Variants in OSBP observed in about 807,000 individuals in gnomAD.
OSBP encodes the protein oxysterol-binding protein 1.
In OSBP, 32 loss-of-function variants were observed where a neutral mutation model predicts 96.6. The ratio of observed to expected loss-of-function variants is 0.33; its 90% CI spans 0.25 to 0.45. The LOEUF (loss-of-function observed/expected upper bound fraction) is 0.45, where lower values mean the gene tolerates loss of function less well. Ranked by LOEUF, OSBP falls within the 20% of genes least tolerant of loss-of-function variation. OSBP has a pLI of 1.00. For missense variants in OSBP, 653 were observed against 1,029.7 expected, an observed-to-expected ratio of 0.63 and a Z score of 5.01; for synonymous variants, 369 against 389.6, an observed-to-expected ratio of 0.95 and a Z score of 0.62.
chr11:59,614,315 C>T (rs1036259481), intron 1 of OSBP, among the ~76,000 whole-genome samples: 9 of 152,100 alleles, frequency 5.9e-5, no homozygotes, highest in African/African-American at 2.2e-4. Context: ...GGAATATTTC[C>T]CAACTCCTAG....
At chr11:59,582,513 T>G (rs1404012569) in intron 9 of OSBP, among the ~76,000 whole-genome samples, 1 of 152,172 alleles carries the variant, frequency 6.6e-6, no homozygotes, top group African/African-American at 2.4e-5. Flanking sequence ...ACGGGTCCCT[T>G]CATTTGGCTG....
intron 8 of OSBP, 94 bp downstream of exon 8, chr11:59,593,916 T>C: frequency 1.3e-6 from 2 of 1,496,660 alleles, no homozygotes; most frequent in East Asian, 2.3e-5. Flanking sequence ...TGACAGGGAC[T>C]AGAATTTCTG....
chr11:59,601,899 T>C, intron 3 of OSBP, 61 bp from the exon 4 acceptor site: 7 of 1,476,298 alleles, frequency 4.7e-6, no homozygotes, highest in Non-Finnish European at 6.6e-6. Flanking sequence ...CTCAGGCTTC[T>C]GCAAGCCCAT....
At chr11:59,588,224 G>A (rs1860526104) in intron 9 of OSBP, among the ~76,000 whole-genome samples, 2 of 152,140 alleles carry the variant, frequency 1.3e-5, no homozygotes, top group African/African-American at 4.8e-5. Context: ...TCCAGGGTTT[G>A]GGGAGGGAGA....
chr11:59,615,207 C>G, intron 1 of OSBP, 96 bp downstream of exon 1: 1 of 1,071,004 alleles, frequency 9.3e-7, no homozygotes, highest in Admixed American at 2.1e-5. Flanking sequence ...CTGGGGCAAC[C>G]CTGGCTGCGG....
At chr11:59,612,451 G>A (rs1353788202) in intron 1 of OSBP, among the ~76,000 whole-genome samples, 3 of 152,076 alleles carry the variant, frequency 2.0e-5, no homozygotes, top group Non-Finnish European at 4.4e-5. Flanking sequence ...GGAGCTTTTT[G>A]GAAACCACTT....
intron 1 of OSBP, among the ~76,000 whole-genome samples, chr11:59,613,525 T>C (rs1860880717): frequency 6.6e-6 from 1 of 151,986 alleles, no homozygotes; most frequent in African/African-American, 2.4e-5. Flanking sequence ...TTTTTGAAAA[T>C]GCAAAAACAG....
chr11:59,581,978 T>G (rs1860427424), intron 9 of OSBP, among the ~76,000 whole-genome samples: 3 of 152,228 alleles, frequency 2.0e-5, no homozygotes, highest in Admixed American at 2.0e-4. Flanking sequence ...AACAAACCAC[T>G]TATCTAAGGC....
chr11:59,578,938 A>G (rs1860389279), intron 11 of OSBP, among the ~76,000 whole-genome samples: 1 of 152,034 alleles, frequency 6.6e-6, no homozygotes, highest in African/African-American at 2.4e-5. Context: ...ATTCAATTAT[A>G]CTCTTTTAGT....
At position 59,608,608 on chromosome 11, in the gene OSBP, G is replaced by A; in HGVS notation, c.698C>T (p.Thr233Ile). 6.2e-7 allele frequency: 1 copy of A among 1,614,162 alleles called. No individual in the cohort carries two copies. Among genetic ancestry groups the A allele is most frequent in the Non-Finnish European group, 8.5e-7 (1 of 1,180,012 alleles). ...CTCACTGAGAGAACGCTGCAGAGCT[G>A]TGCCATGCTTAGCTATCAAGTCATT... is the stretch of plus-strand genomic sequence containing the variant. Reference protein sequence around the residue: ...TCNDLIAKHGTALQRSLSELE... With the variant: ...TCNDLIAKHGIALQRSLSELE... Residue 233 changes from threonine to isoleucine, a missense_variant, in exon 3 of 14, where the codon ACA (threonine) becomes ATA (isoleucine). Coordinates refer to ENST00000263847, the MANE Select transcript of OSBP (RefSeq NM_002556.3).
intron 1 of OSBP, 58 bp downstream of exon 1, chr11:59,615,245 G>A (rs1354959333): frequency 2.8e-6 from 4 of 1,422,666 alleles, no homozygotes; most frequent in Admixed American, 1.8e-5. Context: ...GCCGGAGCTG[G>A]GACTGTTGGC....
Position 59,610,505 on chromosome 11 carries a change from GA to G in OSBP, c.446del (p.Phe149SerfsTer13). The part of the protein sequence containing the change: ...ANITVEDSCN[F>X]IISNGGAQTY... ...TCTGAGCACCCCCATTGGAAATGAT[GA>G]AGTTGCAGGAGTCCTCCACGGTGAT... is the stretch of plus-strand genomic sequence containing the variant. On this transcript the variant is annotated frameshift_variant, in exon 2 of 14. Coordinates refer to ENST00000263847, the MANE Select transcript of OSBP (RefSeq NM_002556.3). LOFTEE classifies it high-confidence loss of function. The G allele has an allele frequency of 6.2e-7, 1 of 1,614,216 alleles. No homozygotes were observed. The highest frequency in any genetic ancestry group is 8.5e-7 in the Non-Finnish European group (1 of 1,180,030).
At chr11:59,592,919 C>T (rs1264509144) in intron 9 of OSBP, among the ~76,000 whole-genome samples, 1 of 151,980 alleles carries the variant, frequency 6.6e-6, no homozygotes, top group Non-Finnish European at 1.5e-5. Flanking sequence ...CCTCAGCCTC[C>T]CGAGTAGCTG....
rs545523300 is a variant in OSBP, at chr11:59,593,807, T to G, written c.1558-83A>C. The G allele has an allele frequency of 2.7e-4, 420 of 1,574,014 alleles. 2 individuals are homozygous for G. In the African/African-American group the frequency reaches 5.2e-3, roughly 20 times the overall value. ...TATAAATTGGTGAGAAACACCAAAA[T>G]TCACACTTGACGTTTTTACACCCAC... On this transcript the variant is annotated intron_variant, in intron 8 of 13. Coordinates refer to ENST00000263847, the MANE Select transcript of OSBP (RefSeq NM_002556.3).
chr11:59,601,547 CATTGACTGTGAAGAGTTTGGAGTTCTCCT>C (rs2134670013), intron 4 of OSBP, 64 bp downstream of exon 4: 1 of 1,221,394 alleles, frequency 8.2e-7, no homozygotes, highest in Non-Finnish European at 1.2e-6. Flanking sequence ...TCACATGACT[CATTGACTGTGAAGAGTTTGGAGTTCTCCT>C]ATCAACTGCA....
intron 3 of OSBP, among the ~76,000 whole-genome samples, chr11:59,604,855 T>TA (rs750067072): frequency 2.6e-3 from 315 of 119,242 alleles, no homozygotes; most frequent in Middle Eastern, 4.7e-3. Flanking sequence ...ACTCTGTCTC[T>TA]AAAAAAAAAA....
chr11:59,595,962 A>G (rs1860647346), intron 7 of OSBP, among the ~76,000 whole-genome samples: 1 of 148,440 alleles, frequency 6.7e-6, no homozygotes, highest in South Asian at 2.1e-4. Context: ...TAAATAAATA[A>G]ATAAATAAAT....
chr11:59,615,418 C>A lies in OSBP; in HGVS notation c.247G>T (p.Gly83Cys), dbSNP rs528395741. The A allele has an allele frequency of 4.6e-5, 69 of 1,515,464 alleles. No homozygotes were observed. The South Asian group carries it at 6.5e-4, about 14-fold the overall frequency. 93.9% of individuals were successfully genotyped at this position (1,515,464 alleles called of 1,614,324 possible). The change falls in exon 1 of 14, where the codon GGC (glycine) becomes TGC (cysteine). Residue 83 changes from glycine to cysteine, a missense_variant. Physicochemically the swap from Gly to Cys is radical, Grantham distance 159. Transcript: ENST00000263847. The stretch of plus-strand genomic sequence containing the variant: ...CGAGCCGAGCCCGAACCCCCAGCGC[C>A]CGAGCCGCCCGAGCCCCCAGTCGGC... ...APPTGGSGGS[G>C]AGGSGSAREG...
At chr11:59,607,761 G>A (rs1002109702) in intron 3 of OSBP, among the ~76,000 whole-genome samples, 19 of 152,222 alleles carry the variant, frequency 1.2e-4, no homozygotes, top group African/African-American at 4.3e-4. Context: ...TGCCATGGGT[G>A]CTCTGTTTAC....
Sources: gnomAD v4.1 joint callset for allele counts (sites outside exome capture counted in the v4.1 genomes callset) on GRCh38, gnomAD v4.1.1 for gene constraint, MANE v1.5 for transcripts, NCBI Gene and HGNC (gene_info 2026-07-23, HGNC 2026-07-21) for gene names.